DERA: variants seen among roughly 807,000 people sequenced by gnomAD.
The protein encoded by DERA is deoxyribose-phosphate aldolase, also known as 2-deoxy-D-ribose 5-phosphate aldolase.
Under a neutral mutation model 41.1 loss-of-function variants are expected in DERA, and 15 were observed. The observed-to-expected ratio is 0.37, with a 90% CI of 0.24 to 0.56. The LOEUF (loss-of-function observed/expected upper bound fraction) is 0.56. Among genes scored for constraint, DERA ranks in the 20% least tolerant of loss-of-function variants. The pLI is 0.81. For synonymous variants in DERA, 139 were observed against 137.4 expected (o/e 1.01, Z -0.08); for missense variants, 396 against 403.4 (o/e 0.98, Z 0.16).
In DERA at chr12:15,940,759, G is replaced by T. The variant is rs967962854; in HGVS notation, c.32-16177G>T. ...CATGCTTCAGAGTTTTCTGGTAACT[G>T]TATCTTCTGAATATGTGTTAAATTG... On this transcript the variant is annotated intron_variant, in intron 1 of 8. Transcript: ENST00000428559. This position sits in a 1 kb window ranked among gnomAD's most constrained non-coding sequence, Gnocchi z 5.1. 2.0e-5 allele frequency among the ~76,000 whole-genome samples: 3 copies of T among 152,168 alleles called. No individual in the cohort carries two copies. Among genetic ancestry groups the T allele is most frequent in the African/African-American group, 7.2e-5 (3 of 41,436 alleles).
chr12:15,951,055 C>A (rs1315961661), intron 1 of DERA, among the ~76,000 whole-genome samples: 1 of 152,204 alleles, frequency 6.6e-6, no homozygotes, highest in African/African-American at 2.4e-5. Flanking sequence ...ATTCTGTAAA[C>A]AAGGCTGGAG....
chr12:15,957,016 G>T lies in DERA; in HGVS notation c.112G>T (p.Val38Leu). The change falls in exon 2 of 9, where the codon GTG becomes TTG. Residue 38 changes from valine (V) to leucine (L), a missense_variant. Coordinates refer to ENST00000428559, the MANE Select transcript of DERA (RefSeq NM_015954.4). The surrounding 1 kb of genome is among the most constrained non-coding windows in gnomAD (Gnocchi z 4.8). ...RAEQIQARRTVKKEWQAAWLL... is the reference protein window; with the variant it reads ...RAEQIQARRTLKKEWQAAWLL... Reference sequence around the variant, plus strand: ...GGAACAAATCCAGGCTCGCAGAACCGTGAAAAAGGAGTGGCAGGTAAGGGT... The same window carrying T: ...GGAACAAATCCAGGCTCGCAGAACCTTGAAAAAGGAGTGGCAGGTAAGGGT... 4 of 1,613,724 alleles carry T rather than the reference G, an allele frequency of 2.5e-6. No individual in the cohort carries two copies. Among genetic ancestry groups the T allele is most frequent in the Non-Finnish European group, 3.4e-6 (4 of 1,179,696 alleles).
intron 5 of DERA, chr12:15,971,974 CA>C: frequency 3.9e-6 from 1 of 256,598 alleles, no homozygotes; most frequent in Non-Finnish European, 7.6e-6. Context: ...ATCAAAGTAC[CA>C]AACAGTATAG....
In DERA at chr12:15,966,233, G is replaced by A. The variant is rs1173270156; in HGVS notation, c.508+3286G>A. 2.6e-5 allele frequency among the ~76,000 whole-genome samples: 4 copies of A among 152,264 alleles called. No homozygotes were observed. Among genetic ancestry groups the A allele is most frequent in the Middle Eastern group, 6.8e-3 (2 of 294 alleles). On this transcript the variant is annotated intron_variant, in intron 5 of 8. Transcript: ENST00000428559. This position sits in a 1 kb window ranked among gnomAD's most constrained non-coding sequence, Gnocchi z 5.1. ...TTCCGCAGCAACGCTCTGGAGTGAG[G>A]CGTCCTCCTCACTTGAGGTTGGGAG...
At position 16,013,959 on chromosome 12, in the gene DERA, G is replaced by A. The variant is rs1021259980; in HGVS notation, c.638-18583G>A. Reference sequence around the variant, plus strand: ...CTTTGCCCCTGCCCTAAAGATCTGCGGAACTTTGAACTTGAGAGAGGTGAT... The same window carrying A: ...CTTTGCCCCTGCCCTAAAGATCTGCAGAACTTTGAACTTGAGAGAGGTGAT... On this transcript the variant is annotated intron_variant, in intron 6 of 8. Coordinates refer to ENST00000428559, the MANE Select transcript of DERA (RefSeq NM_015954.4). The surrounding 1 kb of genome is among the most constrained non-coding windows in gnomAD (Gnocchi z 5.8). 3.9e-5 allele frequency among the ~76,000 whole-genome samples: 6 copies of A among 152,166 alleles called. No individual in the cohort carries two copies. The highest frequency in any genetic ancestry group is 2.0e-4 in the Admixed American group (3 of 15,280).
chr12:16,002,695 T>C (rs1439875642), intron 6 of DERA, among the ~76,000 whole-genome samples: 2 of 152,152 alleles, frequency 1.3e-5, no homozygotes, highest in Non-Finnish European at 2.9e-5. Context: ...TCTTCTCTTA[T>C]TTCCTTAGCT....
rs903485074 is a variant in DERA at position 15,989,349 on chromosome 12, A to G, written c.637+6913A>G. Among the ~76,000 whole-genome samples the G allele has an allele frequency of 6.6e-6, 1 of 152,234 alleles. No individual in the cohort carries two copies. The highest frequency in any genetic ancestry group is 1.5e-5 in the Non-Finnish European group (1 of 68,038). On this transcript the variant is annotated intron_variant, in intron 6 of 8. Transcript: ENST00000428559. The surrounding 1 kb of genome is among the most constrained non-coding windows in gnomAD (Gnocchi z 5.2). Reference sequence around the variant, plus strand: ...TTCAAATTGGCTTTTAAGCCTATCCAGTGAAATGTATGCTGCTGTACATTT... The same window carrying G: ...TTCAAATTGGCTTTTAAGCCTATCCGGTGAAATGTATGCTGCTGTACATTT...
chr12:15,977,645 A>G (rs886248523), intron 5 of DERA, among the ~76,000 whole-genome samples: 8 of 152,100 alleles, frequency 5.3e-5, no homozygotes, highest in African/African-American at 1.7e-4. Flanking sequence ...TTTAGTAGAG[A>G]CGGGGTTTCA....
At position 16,012,039 on chromosome 12, in the gene DERA, G is replaced by A. The variant is rs1018398255; in HGVS notation, c.638-20503G>A. Reference sequence around the variant, plus strand: ...ACATAAAACATGCATAACTAAGTCAGTGTTTCCTCAAAAGGGGCAGAGTTT... The same window carrying A: ...ACATAAAACATGCATAACTAAGTCAATGTTTCCTCAAAAGGGGCAGAGTTT... On this transcript the variant is annotated intron_variant, in intron 6 of 8. Transcript: ENST00000428559. This position sits in a 1 kb window ranked among gnomAD's most constrained non-coding sequence, Gnocchi z 4.1. Among the ~76,000 whole-genome samples the A allele has an allele frequency of 2.6e-5, 4 of 152,202 alleles. No homozygotes were observed. Among genetic ancestry groups the A allele is most frequent in the African/African-American group, 9.7e-5 (4 of 41,444 alleles).
rs1353865153 is a variant in DERA, at chr12:15,989,508, TTA to T, written c.637+7074_637+7075del. 1.3e-5 allele frequency among the ~76,000 whole-genome samples: 2 copies of T among 152,250 alleles called. No individual in the cohort carries two copies. Among genetic ancestry groups the T allele is most frequent in the African/African-American group, 4.8e-5 (2 of 41,472 alleles). On this transcript the variant is annotated intron_variant, in intron 6 of 8. Transcript: ENST00000428559. The surrounding 1 kb of genome is among the most constrained non-coding windows in gnomAD (Gnocchi z 5.2). ...TATTTGTAATAGCTGATTTAAAGCC[TTA>T]TGTGCTAATTTGTACAGCTGGGTTA...
rs924953812 is a variant in DERA at position 15,911,730 on chromosome 12, C to A, written c.31+316C>A. 7.9e-6 allele frequency: 5 copies of A among 629,612 alleles called. No individual in the cohort carries two copies. In the Admixed American group the frequency reaches 8.4e-5, roughly 11 times the overall value. The allele number at this position is 629,612 out of a possible 1,614,324, so 39.0% of individuals were successfully genotyped here. A position where few individuals can be genotyped will look rare whatever the true frequency, so the allele number is the denominator to read the frequency against. ...AACCCAACAACCCAAAAAACAAAAC[C>A]CAAAACAAACAACCCCCAAGCAGGT... On this transcript the variant is annotated intron_variant, in intron 1 of 8. Transcript: ENST00000428559. The surrounding 1 kb of genome is among the most constrained non-coding windows in gnomAD (Gnocchi z 4.5).
rs1445905971 is a variant in DERA, at chr12:15,967,536, A to G, written c.508+4589A>G. Among the ~76,000 whole-genome samples the G allele has an allele frequency of 1.3e-5, 2 of 152,182 alleles. No individual in the cohort carries two copies. Among genetic ancestry groups the G allele is most frequent in the Admixed American group, 6.5e-5 (1 of 15,282 alleles). On this transcript the variant is annotated intron_variant, in intron 5 of 8. Coordinates refer to ENST00000428559, the MANE Select transcript of DERA (RefSeq NM_015954.4). The surrounding 1 kb of genome is among the most constrained non-coding windows in gnomAD (Gnocchi z 4.9). Reference sequence around the variant, plus strand: ...TTTCTTGATTATTCCAAACTGTTTCATTACTGATTATATTATCCCAGAATA... The same window carrying G: ...TTTCTTGATTATTCCAAACTGTTTCGTTACTGATTATATTATCCCAGAATA...
In DERA at chr12:15,955,117, T is replaced by C. The variant is rs148452668; in HGVS notation, c.32-1819T>C. Among the ~76,000 whole-genome samples, 607 of 152,002 alleles carry C rather than the reference T, an allele frequency of 4.0e-3. 2 individuals carry two copies. Among genetic ancestry groups the C allele is most frequent in the African/African-American group, 0.014 (580 of 41,464 alleles). On this transcript the variant is annotated intron_variant, in intron 1 of 8. Transcript: ENST00000428559. ...GAGTTCGATACCAGCCTGGCCAACA[T>C]GGTGAAACCCTGTCTCTATTAAAAA...
rs1025034124 is a variant in DERA at position 15,970,856 on chromosome 12, A to G, written c.508+7909A>G. Among the ~76,000 whole-genome samples, 3 of 152,226 alleles carry G rather than the reference A, an allele frequency of 2.0e-5. No individual in the cohort carries two copies. The highest frequency in any genetic ancestry group is 2.9e-5 in the Non-Finnish European group (2 of 68,040). Reference sequence around the variant, plus strand: ...CCACCAAAGCAACATGAAAAAACCTAATGTCTAGTTTTAGCTTCTGGGGAT... The same window carrying G: ...CCACCAAAGCAACATGAAAAAACCTGATGTCTAGTTTTAGCTTCTGGGGAT... On this transcript the variant is annotated intron_variant, in intron 5 of 8. Coordinates refer to ENST00000428559, the MANE Select transcript of DERA (RefSeq NM_015954.4). The surrounding 1 kb of genome is among the most constrained non-coding windows in gnomAD (Gnocchi z 4.3).
Position 16,000,871 on chromosome 12 carries a change from G to A in DERA, c.637+18435G>A, listed in dbSNP as rs1948870442. ...TGTTGAGTTTTTTTTTACTAGGATT[G>A]TAGAGTAGATAACTTAGACAATTAA... On this transcript the variant is annotated intron_variant, in intron 6 of 8. Coordinates refer to ENST00000428559, the MANE Select transcript of DERA (RefSeq NM_015954.4). The surrounding 1 kb of genome is among the most constrained non-coding windows in gnomAD (Gnocchi z 4.8). Among the ~76,000 whole-genome samples, 1 of 152,096 alleles carries A rather than the reference G, an allele frequency of 6.6e-6. No individual in the cohort carries two copies. Among genetic ancestry groups the A allele is most frequent in the Non-Finnish European group, 1.5e-5 (1 of 68,026 alleles).
At position 15,988,941 on chromosome 12, in the gene DERA, T is replaced by C. The variant is rs74065535; in HGVS notation, c.637+6505T>C. Reference sequence around the variant, plus strand: ...TGGCGTGTCAGCGCTGCCCTGAATGTGTGCACACTCAGCCAGATTGCGGCA... The same window carrying C: ...TGGCGTGTCAGCGCTGCCCTGAATGCGTGCACACTCAGCCAGATTGCGGCA... On this transcript the variant is annotated intron_variant, in intron 6 of 8. Transcript: ENST00000428559. This position sits in a 1 kb window ranked among gnomAD's most constrained non-coding sequence, Gnocchi z 6.0. Among the ~76,000 whole-genome samples the C allele has an allele frequency of 0.065, 9,843 of 152,278 alleles. 1,020 individuals carry two copies. The highest frequency in any genetic ancestry group is 0.22 in the African/African-American group (9,064 of 41,544).
At chr12:15,961,432 TG>T (rs1948587001) in intron 4 of DERA, among the ~76,000 whole-genome samples, 1 of 151,990 alleles carries the variant, frequency 6.6e-6, no homozygotes, top group Non-Finnish European at 1.5e-5. Context: ...CCCAACACTT[TG>T]GGGGGGCTCA....
At position 16,010,095 on chromosome 12, in the gene DERA, G is replaced by T. The variant is rs867397050; in HGVS notation, c.638-22447G>T. Among the ~76,000 whole-genome samples the T allele has an allele frequency of 6.6e-6, 1 of 152,096 alleles. No homozygotes were observed. The highest frequency in any genetic ancestry group is 2.4e-5 in the African/African-American group (1 of 41,418). On this transcript the variant is annotated intron_variant, in intron 6 of 8. Transcript: ENST00000428559. This position sits in a 1 kb window ranked among gnomAD's most constrained non-coding sequence, Gnocchi z 5.5. The stretch of plus-strand genomic sequence containing the variant: ...ATGGTTGTGTGTTATTTCCATTTAA[G>T]AGTTTTAGTAAAGGAAGCCAAGCCC...
At chr12:15,949,306 A>G (rs1018637487) in intron 1 of DERA, among the ~76,000 whole-genome samples, 1 of 152,162 alleles carries the variant, frequency 6.6e-6, no homozygotes, top group African/African-American at 2.4e-5. Context: ...AGTGGAGTCT[A>G]CAGAGGCAGG....
Sources: gnomAD v4.1 joint callset for allele counts (sites outside exome capture counted in the v4.1 genomes callset) on GRCh38, gnomAD v4.1.1 for gene constraint, Gnocchi (gnomAD v3.1) non-coding constraint, MANE v1.5 for transcripts, NCBI Gene and HGNC (gene_info 2026-07-23, HGNC 2026-07-21) for gene names.